OSBPL9: variants seen among roughly 807,000 people sequenced by gnomAD.
OSBPL9 encodes oxysterol binding protein like 9, also known as oxysterol-binding protein-related protein 9.
In OSBPL9, 40 loss-of-function variants were observed where a neutral mutation model predicts 106.6. The observed-to-expected ratio is 0.38, with a 90% confidence interval of 0.29 to 0.49. OSBPL9 has a LOEUF of 0.49. OSBPL9 is among the 20% of genes least tolerant of loss of function. OSBPL9 has a pLI of 0.97. For missense variants in OSBPL9, 609 were observed against 887.2 expected, an observed-to-expected ratio of 0.69 and a Z score of 3.98; for synonymous variants, 269 against 295.4, an observed-to-expected ratio of 0.91 and a Z score of 0.92.
intron 1 of OSBPL9, 24 bp downstream of exon 1, chr1:51,617,245 C>T: frequency 6.3e-7 from 1 of 1,578,900 alleles, no homozygotes; most frequent in Non-Finnish European, 8.6e-7. Context: ...GGGCACAGCT[C>T]CAGGCGCCTC....
At chr1:51,768,508 C>CT (rs1673134290) in intron 12 of OSBPL9, among the ~76,000 whole-genome samples, 1 of 152,256 alleles carries the variant, frequency 6.6e-6, no homozygotes, top group South Asian at 2.1e-4. Context: ...GCCACTGCAC[C>CT]TGGCCTAAAG....
At chr1:51,591,371 C>T (rs913421992) in intron 1 of OSBPL9, among the ~76,000 whole-genome samples, 1 of 152,232 alleles carries the variant, frequency 6.6e-6, no homozygotes, top group Admixed American at 6.5e-5. Flanking sequence ...CACCCCTGCC[C>T]ACTCTTTAAT....
chr1:51,601,124 A>G (rs935486188), intron 2 of OSBPL9, among the ~76,000 whole-genome samples: 20 of 152,214 alleles, frequency 1.3e-4, no homozygotes, highest in African/African-American at 7.2e-5. Flanking sequence ...CATCAATTCT[A>G]TACTCCAGCC....
At chr1:51,768,298 C>T (rs954073862) in intron 12 of OSBPL9, among the ~76,000 whole-genome samples, 10 of 151,580 alleles carry the variant, frequency 6.6e-5, no homozygotes, top group Non-Finnish European at 1.3e-4. Context: ...GGTGCAATCT[C>T]GGCCTCCTGG....
chr1:51,560,639 A>G, the OSBPL9 span, among the ~76,000 whole-genome samples: 2 of 152,274 alleles, frequency 1.3e-5, no homozygotes, highest in South Asian at 4.1e-4. Flanking sequence ...TTTGGGGAGG[A>G]GTCCTCCCCA....
chr1:51,522,017 A>G, the OSBPL9 span, among the ~76,000 whole-genome samples: 3 of 152,188 alleles, frequency 2.0e-5, no homozygotes, highest in African/African-American at 7.2e-5. Flanking sequence ...TCGGCTTCCC[A>G]AAGTGCTGGG....
chr1:51,605,451 T>C (rs530712278), intron 2 of OSBPL9, among the ~76,000 whole-genome samples: 164 of 151,222 alleles, frequency 1.1e-3, no homozygotes, highest in African/African-American at 3.6e-3. Flanking sequence ...AAAAAGAAAA[T>C]CTTCATAGAA....
intron 9 of OSBPL9, among the ~76,000 whole-genome samples, chr1:51,757,371 T>C (rs1330846197): frequency 1.3e-5 from 2 of 152,010 alleles, no homozygotes; most frequent in Non-Finnish European, 2.9e-5. Context: ...TGAAATAATA[T>C]CTCTTCATGA....
intron 1 of OSBPL9, among the ~76,000 whole-genome samples, chr1:51,593,264 G>T (rs1020676223): frequency 3.9e-5 from 6 of 152,124 alleles, no homozygotes; most frequent in Admixed American, 2.0e-4. Context: ...TAGCCTCCTG[G>T]ATGGTTTTTC....
chr1:51,611,603 T>G (rs1171217634), intron 2 of OSBPL9, among the ~76,000 whole-genome samples: 1 of 152,154 alleles, frequency 6.6e-6, no homozygotes, highest in East Asian at 1.9e-4. Context: ...GGGAAAAAAT[T>G]AATGGTCTAA....
chr1:51,744,843 A>C (rs1435945532), intron 4 of OSBPL9, among the ~76,000 whole-genome samples: 2 of 152,346 alleles, frequency 1.3e-5, no homozygotes, highest in East Asian at 3.9e-4. Context: ...GTATGCAAAA[A>C]GTAGGACATG....
intron 2 of OSBPL9, among the ~76,000 whole-genome samples, chr1:51,665,991 G>T (rs1470190547): frequency 6.6e-6 from 1 of 152,078 alleles, no homozygotes; most frequent in East Asian, 1.9e-4. Context: ...GGGATTACAG[G>T]CATGCGCCAC....
At chr1:51,606,195 G>A (rs1001702969) in intron 2 of OSBPL9, among the ~76,000 whole-genome samples, 5 of 152,166 alleles carry the variant, frequency 3.3e-5, no homozygotes, top group African/African-American at 9.7e-5. Context: ...GGAAAGGAAA[G>A]GCTGTGTGAT....
At position 51,596,735 on chromosome 1, in the gene OSBPL9, G is replaced by A. The variant is rs142146687; in HGVS notation, c.-422-1389G>A. 6.4e-3 allele frequency among the ~76,000 whole-genome samples: 972 copies of A among 151,750 alleles called. 3 individuals carry two copies. The highest frequency in any genetic ancestry group is 0.023 in the African/African-American group (938 of 41,314). ...GCGGAGGTTGCAGTGAGCTGAGATC[G>A]TGCCACTGCACTCCATCCTGGGTGA... On this transcript the variant is annotated intron_variant, in intron 1 of 25. Transcript: ENST00000371714.
chr1:51,583,989 T>A (rs1334781999), intron 1 of OSBPL9, among the ~76,000 whole-genome samples: 4 of 152,140 alleles, frequency 2.6e-5, no homozygotes, highest in Non-Finnish European at 5.9e-5. Flanking sequence ...CCTGAACTAA[T>A]GATCCCACAA....
chr1:51,740,288 A>C (rs1007341799), intron 4 of OSBPL9: 2 of 1,382,322 alleles, frequency 1.4e-6, no homozygotes, highest in Non-Finnish European at 1.9e-6. Flanking sequence ...TGTCATCTCA[A>C]ATTGCTAATT....
At chr1:51,652,188 C>G in intron 2 of OSBPL9, 147 bp downstream of exon 2, 1 of 590,200 alleles carries the variant, frequency 1.7e-6, no homozygotes, top group Non-Finnish European at 2.9e-6. Flanking sequence ...TGTGATTTCT[C>G]CAAGTAACTG....
the OSBPL9 span, among the ~76,000 whole-genome samples, chr1:51,538,193 G>A: frequency 6.6e-6 from 1 of 152,142 alleles, no homozygotes; most frequent in African/African-American, 2.4e-5. Context: ...TAGGGAGACT[G>A]AGGCAGGAGA....
intron 1 of OSBPL9, among the ~76,000 whole-genome samples, chr1:51,636,845 C>A (rs559699086): frequency 1.5e-4 from 23 of 152,144 alleles, no homozygotes; most frequent in African/African-American, 5.5e-4. Flanking sequence ...CACATCTGAT[C>A]CAAAGGTCTT....
Sources: allele counts gnomAD v4.1 joint callset (sites outside exome capture counted in the v4.1 genomes callset), GRCh38; gene constraint gnomAD v4.1.1; transcripts MANE v1.5; gene names NCBI Gene and HGNC (gene_info 2026-07-23, HGNC 2026-07-21).